The following GALNTL6 variants were observed in gnomAD, a reference collection of about 807,000 sequenced individuals.
GALNTL6 encodes the protein polypeptide N-acetylgalactosaminyltransferase-like 6.
In GALNTL6, 46 loss-of-function variants were observed where a neutral mutation model predicts 73.7. The ratio of observed to expected loss-of-function variants is 0.62; its 90% CI spans 0.49 to 0.80. The LOEUF (loss-of-function observed/expected upper bound fraction) is 0.80, where lower values mean the gene tolerates loss of function less well. Among genes scored for constraint, GALNTL6 ranks in the 30% least tolerant of loss-of-function variants. The pLI is 0.00. For synonymous variants in GALNTL6, 259 were observed against 263.7 expected (o/e 0.98, Z 0.17); for missense variants, 604 against 755.0 (o/e 0.80, Z 2.34).
intron 5 of GALNTL6, among the ~76,000 whole-genome samples, chr4:172,687,978 G>T (rs1387299511): frequency 1.3e-5 from 2 of 151,986 alleles, no homozygotes; most frequent in African/African-American, 4.8e-5. Flanking sequence ...AAGTCATTTT[G>T]GTATTTGATA....
At chr4:171,908,852 G>A (rs557171853) in intron 2 of GALNTL6, among the ~76,000 whole-genome samples, 2 of 151,290 alleles carry the variant, frequency 1.3e-5, no homozygotes, top group South Asian at 4.2e-4. Context: ...TAGGGACATG[G>A]ATGAAATTGG....
intron 7 of GALNTL6, among the ~76,000 whole-genome samples, chr4:172,881,023 T>C (rs1057102766): frequency 2.6e-5 from 4 of 152,224 alleles, no homozygotes; most frequent in Non-Finnish European, 4.4e-5. Flanking sequence ...TAAGTTTTGG[T>C]GCCCTTTGTC....
At chr4:172,637,603 T>G (rs1361442491) in intron 5 of GALNTL6, among the ~76,000 whole-genome samples, 3 of 152,198 alleles carry the variant, frequency 2.0e-5, no homozygotes, top group African/African-American at 7.2e-5. Context: ...TAAGACTGCC[T>G]GTCAAATTAC....
At chr4:172,081,248 G>A (rs1303900164) in intron 2 of GALNTL6, among the ~76,000 whole-genome samples, 1 of 152,198 alleles carries the variant, frequency 6.6e-6, no homozygotes, top group Non-Finnish European at 1.5e-5. Context: ...CTGAGAAACA[G>A]GAAGCTGCAT....
intron 10 of GALNTL6, among the ~76,000 whole-genome samples, chr4:172,964,388 C>T (rs1750229542): frequency 6.6e-6 from 1 of 152,194 alleles, no homozygotes; most frequent in African/African-American, 2.4e-5. Context: ...CCAACCAGTG[C>T]CATAAATTCT....
intron 2 of GALNTL6, among the ~76,000 whole-genome samples, chr4:172,187,410 G>A (rs974620871): frequency 4.6e-5 from 7 of 151,966 alleles, no homozygotes; most frequent in East Asian, 1.9e-4. Flanking sequence ...CCAGCTTTCC[G>A]TAAAAATTAA....
chr4:171,914,732 A>G (rs1223983434), intron 2 of GALNTL6, among the ~76,000 whole-genome samples: 1 of 151,526 alleles, frequency 6.6e-6, no homozygotes, highest in Non-Finnish European at 1.5e-5. Context: ...GTACATATTT[A>G]TGAATAAAAT....
chr4:172,366,203 G>T (rs747487269), intron 5 of GALNTL6, among the ~76,000 whole-genome samples: 37 of 151,944 alleles, frequency 2.4e-4, no homozygotes, highest in Non-Finnish European at 4.0e-4. Context: ...CATAGATCTG[G>T]TTTACAGATT....
At chr4:172,346,988 C>CTTTCTTT (rs1741766163) in intron 4 of GALNTL6, among the ~76,000 whole-genome samples, 1 of 114,410 alleles carries the variant, frequency 8.7e-6, no homozygotes, top group African/African-American at 3.5e-5. Flanking sequence ...TGTTTTCTTT[C>CTTTCTTT]TTTTTTTTTT....
At chr4:172,251,379 A>G (rs1156465129) in intron 3 of GALNTL6, among the ~76,000 whole-genome samples, 1 of 152,174 alleles carries the variant, frequency 6.6e-6, no homozygotes, top group Non-Finnish European at 1.5e-5. Flanking sequence ...AAAAACATCC[A>G]TAATAATGTT....
chr4:172,949,384 T>G (rs1476456980), intron 9 of GALNTL6, among the ~76,000 whole-genome samples: 1 of 152,218 alleles, frequency 6.6e-6, no homozygotes, highest in Non-Finnish European at 1.5e-5. Context: ...TATTTTTTCT[T>G]AAGAAAATCA....
At chr4:172,125,818 A>G (rs1733279040) in intron 2 of GALNTL6, among the ~76,000 whole-genome samples, 2 of 151,868 alleles carry the variant, frequency 1.3e-5, no homozygotes, top group Admixed American at 6.6e-5. Flanking sequence ...TCTTTGTTCT[A>G]CTAACTGGTT....
At chr4:171,831,213 C>T (rs566775425) in intron 2 of GALNTL6, among the ~76,000 whole-genome samples, 2 of 151,984 alleles carry the variant, frequency 1.3e-5, no homozygotes, top group South Asian at 4.2e-4. Context: ...TTTGAATTAG[C>T]AGTCACGTAG....
intron 5 of GALNTL6, among the ~76,000 whole-genome samples, chr4:172,495,384 C>G (rs1235218753): frequency 6.6e-6 from 1 of 152,170 alleles, no homozygotes; most frequent in African/African-American, 2.4e-5. Flanking sequence ...AGCGAGGAGG[C>G]TTAATGTATC....
chr4:172,110,608 TA>T (rs1166019832), intron 2 of GALNTL6, among the ~76,000 whole-genome samples: 1 of 152,190 alleles, frequency 6.6e-6, no homozygotes, highest in Non-Finnish European at 1.5e-5. Context: ...CAGTTATTTA[TA>T]AAACAGTGGC....
intron 2 of GALNTL6, among the ~76,000 whole-genome samples, chr4:171,923,738 AT>A (rs1384965007): frequency 6.7e-6 from 1 of 148,838 alleles, no homozygotes; most frequent in African/African-American, 2.5e-5. Flanking sequence ...CTCAGTAGCC[AT>A]TTGCAACTCT....
At chr4:172,766,182 C>A (rs1030751389) in intron 5 of GALNTL6, among the ~76,000 whole-genome samples, 2 of 152,120 alleles carry the variant, frequency 1.3e-5, no homozygotes, top group Non-Finnish European at 2.9e-5. Flanking sequence ...ACTGATTAAA[C>A]GATTCTTCAG....
At chr4:171,823,345 G>A (rs1360670365) in intron 2 of GALNTL6, among the ~76,000 whole-genome samples, 2 of 151,942 alleles carry the variant, frequency 1.3e-5, no homozygotes, top group African/African-American at 4.8e-5. Context: ...GAGATTGAGG[G>A]GACAGTCCCA....
chr4:171,869,186 T>C (rs1231729488), intron 2 of GALNTL6, among the ~76,000 whole-genome samples: 1 of 152,190 alleles, frequency 6.6e-6, no homozygotes, highest in African/African-American at 2.4e-5. Flanking sequence ...AGGAATGCCT[T>C]GTCCCTATCA....
Sources: gnomAD v4.1 joint callset for allele counts (sites outside exome capture counted in the v4.1 genomes callset) on GRCh38, gnomAD v4.1.1 for gene constraint, MANE v1.5 for transcripts, NCBI Gene and HGNC (gene_info 2026-07-23, HGNC 2026-07-21) for gene names.